The following ZC3H7A variants were observed in gnomAD, a reference collection of about 807,000 sequenced individuals.
The protein encoded by ZC3H7A is zinc finger CCCH domain-containing protein 7A.
A neutral mutation model predicts 125.5 loss-of-function variants in ZC3H7A; 44 were observed. The ratio of observed to expected loss-of-function variants is 0.35; its 90% confidence interval spans 0.28 to 0.45. The LOEUF (loss-of-function observed/expected upper bound fraction) is 0.45, where lower values mean the gene tolerates loss of function less well. ZC3H7A is among the 20% of genes least tolerant of loss of function. ZC3H7A has a pLI of 1.00. For missense variants in ZC3H7A, 977 were observed against 1,170.7 expected (o/e 0.83, Z 2.41); for synonymous variants, 399 against 391.2 (o/e 1.02, Z -0.23).
intron 1 of ZC3H7A, chr16:11,782,942 C>G (rs1456769602): frequency 6.5e-6 from 1 of 152,744 alleles, no homozygotes; most frequent in African/African-American, 2.4e-5. Context: ...GGCTGAATGG[C>G]TATGCAGACT....
In ZC3H7A at chr16:11,762,721, C is replaced by G; in HGVS notation, c.2029G>C (p.Glu677Gln). 1 of 1,613,954 alleles carries G rather than the reference C, an allele frequency of 6.2e-7. No individual in the cohort carries two copies. The highest frequency in any genetic ancestry group is 8.5e-7 in the Non-Finnish European group (1 of 1,180,012). ...TGISHDAIAQ[E>Q]SKRYWQNLEA... ...AAATTCTGCCAATATCGTTTAGACT[C>G]TTGAGCAATAGCATCATGTGAGATA... The change falls in exon 17 of 23, where the codon GAG (glutamate) becomes CAG (glutamine). Residue 677 changes from glutamate (E) to glutamine (Q), a missense_variant. Physicochemically the swap from Glu to Gln is conservative, Grantham distance 29. Transcript: ENST00000355758.
chr16:11,777,601 A>G (rs913798201), intron 4 of ZC3H7A, among the ~76,000 whole-genome samples: 10 of 152,076 alleles, frequency 6.6e-5, no homozygotes, highest in Non-Finnish European at 1.3e-4. Context: ...GGGTGCCTAT[A>G]ATCCCAGCAC....
chr16:11,760,506 A>G (rs1457431323), intron 19 of ZC3H7A, among the ~76,000 whole-genome samples: 1 of 152,216 alleles, frequency 6.6e-6, no homozygotes, highest in African/African-American at 2.4e-5. Context: ...CAAAACTGCA[A>G]GGTACTGTAG....
At chr16:11,774,145 T>G (rs2053039097) in intron 9 of ZC3H7A, 91 bp downstream of exon 9, 1 of 1,276,090 alleles carries the variant, frequency 7.8e-7, no homozygotes, top group South Asian at 2.3e-5. Flanking sequence ...TCAGCCTATA[T>G]GCAATACTGA....
chr16:11,794,343 C>T lies in ZC3H7A; in HGVS notation c.-35+2781G>A, dbSNP rs1428453968. On this transcript the variant is annotated intron_variant, in intron 1 of 22. Coordinates refer to ENST00000355758, the MANE Select transcript of ZC3H7A (RefSeq NM_014153.4). ...AAGTAACCTCGTTGCTTTACATAAACGAAAATCACCTCATTTAATATGCCT... is the reference window on the plus strand; with the variant it reads ...AAGTAACCTCGTTGCTTTACATAAATGAAAATCACCTCATTTAATATGCCT... Among the ~76,000 whole-genome samples, 14 of 152,284 alleles carry T rather than the reference C, an allele frequency of 9.2e-5. No homozygotes were observed. The South Asian group carries it at 1.0e-3, about 11-fold the overall frequency.
chr16:11,769,622 A>G (rs1390666841), intron 10 of ZC3H7A, among the ~76,000 whole-genome samples: 1 of 146,996 alleles, frequency 6.8e-6, no homozygotes, highest in Non-Finnish European at 1.5e-5. Context: ...GAGGCAGGAG[A>G]ATCGCTTGAA....
In ZC3H7A at chr16:11,765,460, C is replaced by T; in HGVS notation, c.1719+29G>A. On this transcript the variant is annotated intron_variant, in intron 14 of 22. Coordinates refer to ENST00000355758, the MANE Select transcript of ZC3H7A (RefSeq NM_014153.4). The surrounding 1 kb of genome is among the most constrained non-coding windows in gnomAD (Gnocchi z 4.8). ...CACTGGGCTTGCAAATTCAACTTTA[C>T]AGTGGAAAATAAGTTTTGGAGAACA... 6.3e-7 allele frequency: 1 copy of T among 1,580,742 alleles called. No homozygotes were observed. The highest frequency in any genetic ancestry group is 8.6e-7 in the Non-Finnish European group (1 of 1,159,202).
chr16:11,761,335 G>T (rs2052749156), intron 19 of ZC3H7A, 71 bp downstream of exon 19: 1 of 1,385,474 alleles, frequency 7.2e-7, no homozygotes, highest in Non-Finnish European at 1.0e-6. Context: ...GTTTCAATCT[G>T]AATTACTACT....
Position 11,758,486 on chromosome 16 carries a change from G to A in ZC3H7A, c.2373C>T (p.Ser791=), listed in dbSNP as rs113970809. The change falls in exon 20 of 23, where the codon TCC becomes TCT. Residue 791 remains serine, a synonymous_variant. Transcript: ENST00000355758. ...CTCTTTCCTCAGGACTATGAGCAAA[G>A]GAACAGTTTCCAACATATTGACATT... is the stretch of plus-strand genomic sequence containing the variant. ...GKKCQYVGNC[S]FAHSPEEREV... is the part of the protein sequence containing the mutation. 6.2e-7 allele frequency: 1 copy of A among 1,613,870 alleles called. No individual in the cohort carries two copies. The highest frequency in any genetic ancestry group is 1.7e-5 in the Admixed American group (1 of 60,016).
At chr16:11,769,884 G>A (rs188560582) in intron 10 of ZC3H7A, among the ~76,000 whole-genome samples, 14 of 139,760 alleles carry the variant, frequency 1.0e-4, no homozygotes, top group Middle Eastern at 3.7e-3. Flanking sequence ...CAACCTCCTG[G>A]GCTCAAGGAA....
chr16:11,764,130 G>A (rs932634881), intron 15 of ZC3H7A, among the ~76,000 whole-genome samples: 2 of 152,080 alleles, frequency 1.3e-5, no homozygotes, highest in Non-Finnish European at 2.9e-5. Flanking sequence ...AAAATCATGG[G>A]GGCTGGGCAC....
intron 3 of ZC3H7A, 74 bp from the exon 4 acceptor site, chr16:11,779,437 A>G: frequency 3.0e-6 from 4 of 1,325,070 alleles, no homozygotes; most frequent in Non-Finnish European, 4.2e-6. Context: ...TAATTTTTAT[A>G]CCTAAAACTT....
intron 1 of ZC3H7A, among the ~76,000 whole-genome samples, chr16:11,790,940 C>A (rs969903941): frequency 3.3e-5 from 5 of 151,750 alleles, no homozygotes; most frequent in Admixed American, 3.3e-4. Flanking sequence ...ACTGGTGGCA[C>A]CTGCTTGTAT....
intron 1 of ZC3H7A, among the ~76,000 whole-genome samples, chr16:11,789,157 AG>A (rs2053309032): frequency 6.6e-6 from 1 of 152,190 alleles, no homozygotes; most frequent in Admixed American, 6.5e-5. Context: ...TTGAAGGAAG[AG>A]GGGGTGAAGG....
At chr16:11,792,877 C>T (rs1211369791) in intron 1 of ZC3H7A, among the ~76,000 whole-genome samples, 1 of 152,170 alleles carries the variant, frequency 6.6e-6, no homozygotes, top group Non-Finnish European at 1.5e-5. Context: ...ACAAATATGG[C>T]TCTGATGAAC....
chr16:11,756,536 G>C (rs774711950), intron 20 of ZC3H7A, among the ~76,000 whole-genome samples, 166 bp from the exon 21 acceptor site: 10 of 152,150 alleles, frequency 6.6e-5, no homozygotes, highest in Non-Finnish European at 1.5e-4. Context: ...TCAAGCAGCA[G>C]GTAAACTCTC....
intron 21 of ZC3H7A, chr16:11,754,071 GC>G (rs2052595049): frequency 6.6e-6 from 1 of 151,666 alleles, no homozygotes; most frequent in African/African-American, 2.4e-5. Flanking sequence ...CAGGAGGAGT[GC>G]TTGAGCACAG....
At chr16:11,767,612 A>G in intron 12 of ZC3H7A, 34 bp from the exon 13 acceptor site, 1 of 1,487,512 alleles carries the variant, frequency 6.7e-7, no homozygotes, top group Non-Finnish European at 9.0e-7. Flanking sequence ...GCTTATATGC[A>G]CAAAAAATAT....
intron 2 of ZC3H7A, 88 bp downstream of exon 2, chr16:11,782,199 G>T: frequency 6.9e-7 from 1 of 1,453,906 alleles, no homozygotes; most frequent in Non-Finnish European, 9.6e-7. Context: ...TATTAAACAT[G>T]ACTAAAGAGT....
Sources: allele counts gnomAD v4.1 joint callset (sites outside exome capture counted in the v4.1 genomes callset), GRCh38; gene constraint gnomAD v4.1.1; non-coding constraint Gnocchi (gnomAD v3.1); transcripts MANE v1.5; gene names NCBI Gene and HGNC (gene_info 2026-07-23, HGNC 2026-07-21).